GATB: variants seen among roughly 807,000 people sequenced by gnomAD.
GATB encodes the protein glutamyl-tRNA(Gln) amidotransferase subunit B, mitochondrial.
In GATB, 39 loss-of-function variants were observed where a neutral mutation model predicts 62.3. The observed-to-expected ratio is 0.63, with a 90% CI of 0.48 to 0.82. GATB has a LOEUF of 0.82. Ranked by LOEUF, GATB falls within the 40% of genes least tolerant of loss-of-function variation. The pLI is 0.00. For missense variants in GATB, 670 were observed against 684.0 expected (o/e 0.98, Z 0.23); for synonymous variants, 276 against 258.9 (o/e 1.07, Z -0.63).
chr4:151,713,204 A>C (rs1478828036), intron 5 of GATB, among the ~76,000 whole-genome samples: 1 of 152,114 alleles, frequency 6.6e-6, no homozygotes, highest in Non-Finnish European at 1.5e-5. Context: ...GAGGGCTCCC[A>C]GTGATTCTAC....
At position 151,670,665 on chromosome 4, in the gene GATB, T is replaced by C. The variant is rs1246915648; in HGVS notation, c.*509A>G. On this transcript the variant is annotated 3_prime_UTR_variant, in exon 13 of 13. Coordinates refer to ENST00000263985, the MANE Select transcript of GATB (RefSeq NM_004564.3). ...TAAACAAACAAATGTGTTTATACTGTGCCAGTTTATTTGGTTGTATTTTCA... is the reference window on the plus strand; with the variant it reads ...TAAACAAACAAATGTGTTTATACTGCGCCAGTTTATTTGGTTGTATTTTCA... 6.5e-6 allele frequency: 1 copy of C among 153,294 alleles called. No homozygotes were observed. Among genetic ancestry groups the C allele is most frequent in the Non-Finnish European group, 1.5e-5 (1 of 68,702 alleles). 9.5% of individuals were successfully genotyped at this position (153,294 alleles called of 1,614,324 possible). A position where few individuals can be genotyped will look rare whatever the true frequency, so the allele number is the denominator to read the frequency against.
intron 2 of GATB, among the ~76,000 whole-genome samples, chr4:151,757,759 G>C (rs1438501194): frequency 6.6e-6 from 1 of 151,916 alleles, no homozygotes; most frequent in Non-Finnish European, 1.5e-5. Context: ...TTACAGGCGT[G>C]AGCCACCGCG....
chr4:151,716,128 A>G lies in GATB; in HGVS notation c.644T>C (p.Val215Ala). 3 of 1,612,632 alleles carry G rather than the reference A, an allele frequency of 1.9e-6. No individual in the cohort carries two copies. The highest frequency in any genetic ancestry group is 2.5e-6 in the Non-Finnish European group (3 of 1,179,396). ...QTLIDLNRAG[V>A]GLLEVVLEPD... Reference sequence around the variant, plus strand: ...CTCCAGGACCACCTCCAGAAGGCCCACTCCTACCAAAGAGGGGCAGAGTCA... The same window carrying G: ...CTCCAGGACCACCTCCAGAAGGCCCGCTCCTACCAAAGAGGGGCAGAGTCA... The change falls in exon 5 of 13, where the codon GTG (valine) becomes GCG (alanine). Residue 215 changes from valine to alanine, a missense_variant. Physicochemically the swap from Val to Ala is moderately conservative, Grantham distance 64. Coordinates refer to ENST00000263985, the MANE Select transcript of GATB (RefSeq NM_004564.3).
At position 151,717,116 on chromosome 4, in the gene GATB, A is replaced by G. The variant is rs1180774844; in HGVS notation, c.442-42T>C. 6 of 1,578,852 alleles carry G rather than the reference A, an allele frequency of 3.8e-6. No individual in the cohort carries two copies. In the Admixed American group the frequency reaches 8.4e-5, roughly 22 times the overall value. ...GGTAAACATAGTCACTGGTCCACAC[A>G]TAAAAGCTGGGATCCAGTTTACTAT... On this transcript the variant is annotated intron_variant, in intron 3 of 12. Transcript: ENST00000263985.
rs1739185534 is a variant in GATB, at chr4:151,728,672, A to G, written c.328-9134T>C. Reference sequence around the variant, plus strand: ...CTGGAGAGATCTGATGCAATGACAAACTATTTCACATCACTGAAACCTCAA... The same window carrying G: ...CTGGAGAGATCTGATGCAATGACAAGCTATTTCACATCACTGAAACCTCAA... On this transcript the variant is annotated intron_variant, in intron 2 of 12. Transcript: ENST00000263985. Among the ~76,000 whole-genome samples, 3 of 152,332 alleles carry G rather than the reference A, an allele frequency of 2.0e-5. No individual in the cohort carries two copies. In the South Asian group the frequency reaches 6.2e-4, roughly 32 times the overall value.
At chr4:151,672,015 G>A (rs1374505121) in intron 12 of GATB, among the ~76,000 whole-genome samples, 2 of 152,214 alleles carry the variant, frequency 1.3e-5, no homozygotes, top group Admixed American at 6.5e-5. Context: ...GCAGGAAGAC[G>A]AGGCTGTGGA....
At chr4:151,734,664 C>G (rs1478862866) in intron 2 of GATB, among the ~76,000 whole-genome samples, 2 of 152,124 alleles carry the variant, frequency 1.3e-5, no homozygotes, top group East Asian at 1.9e-4. Flanking sequence ...GGAGGCATCA[C>G]ACTACCTGAT....
At chr4:151,725,021 TGA>T (rs1454659007) in intron 2 of GATB, among the ~76,000 whole-genome samples, 1 of 152,118 alleles carries the variant, frequency 6.6e-6, no homozygotes, top group Admixed American at 6.6e-5. Flanking sequence ...TTATTACACA[TGA>T]GAGAAGAGCT....
In GATB at chr4:151,716,100, G is replaced by C. The variant is rs547158537; in HGVS notation, c.672C>G (p.Pro224=). ...GVGLLEVVLE[P]DMSCGEEAAT... Reference sequence around the variant, plus strand: ...CCGCCTCTTCTCCACAGGACATGTCGGGCTCCAGGACCACCTCCAGAAGGC... The same window carrying C: ...CCGCCTCTTCTCCACAGGACATGTCCGGCTCCAGGACCACCTCCAGAAGGC... Residue 224 remains proline, a synonymous_variant, in exon 5 of 13, where the codon CCC becomes CCG. Transcript: ENST00000263985. The C allele has an allele frequency of 2.5e-6, 4 of 1,613,528 alleles. No individual in the cohort carries two copies. Among genetic ancestry groups the C allele is most frequent in the Non-Finnish European group, 3.4e-6 (4 of 1,179,844 alleles).
At position 151,672,750 on chromosome 4, in the gene GATB, C is replaced by T. The variant is rs199509877; in HGVS notation, c.1545+12G>A. The T allele has an allele frequency of 6.3e-5, 102 of 1,613,108 alleles. 1 individual carries two copies. The East Asian group carries it at 2.1e-3, about 32-fold the overall frequency. Reference sequence around the variant, plus strand: ...GCTGGCTCTGGCCCTCTCCCCTGCCCGAGATAGTCACCACTTGAGGATGGG... The same window carrying T: ...GCTGGCTCTGGCCCTCTCCCCTGCCTGAGATAGTCACCACTTGAGGATGGG... On this transcript the variant is annotated intron_variant, in intron 12 of 12. Coordinates refer to ENST00000263985, the MANE Select transcript of GATB (RefSeq NM_004564.3).
intron 7 of GATB, among the ~76,000 whole-genome samples, chr4:151,704,741 C>T (rs1398896617): frequency 2.8e-5 from 4 of 142,706 alleles, no homozygotes; most frequent in African/African-American, 7.9e-5. Flanking sequence ...GCGTGAGCCA[C>T]GGCGCCTGGC....
At position 151,671,112 on chromosome 4, in the gene GATB, C is replaced by T; in HGVS notation, c.*62G>A. On this transcript the variant is annotated 3_prime_UTR_variant, in exon 13 of 13. Coordinates refer to ENST00000263985, the MANE Select transcript of GATB (RefSeq NM_004564.3). ...ACATGGGCATCAGCTTTCACAGGAT[C>T]CTGTTCCCAGTCAGGCTGCACTGTT... 2 of 1,596,482 alleles carry T rather than the reference C, an allele frequency of 1.3e-6. No individual in the cohort carries two copies. Among genetic ancestry groups the T allele is most frequent in the South Asian group, 1.1e-5 (1 of 90,042 alleles).
intron 6 of GATB, among the ~76,000 whole-genome samples, chr4:151,706,110 C>A (rs1738708792): frequency 6.6e-6 from 1 of 152,240 alleles, no homozygotes; most frequent in Non-Finnish European, 1.5e-5. Context: ...TCAGTTTTTG[C>A]TCCCCATCTC....
chr4:151,730,317 C>T lies in GATB; in HGVS notation c.328-10779G>A, dbSNP rs184137322. ...GCTCAGACATGCCTAGCCCTGCTGC[C>T]ACCTGATGGTCCTTCCCTACTCAAC... On this transcript the variant is annotated intron_variant, in intron 2 of 12. Coordinates refer to ENST00000263985, the MANE Select transcript of GATB (RefSeq NM_004564.3). The surrounding 1 kb of genome is among the most constrained non-coding windows in gnomAD (Gnocchi z 4.1). Among the ~76,000 whole-genome samples, 39 of 152,348 alleles carry T rather than the reference C, an allele frequency of 2.6e-4. 1 individual carries two copies. The highest frequency in any genetic ancestry group is 8.9e-4 in the African/African-American group (37 of 41,594).
intron 5 of GATB, among the ~76,000 whole-genome samples, chr4:151,715,776 GT>G (rs1198534164): frequency 1.3e-5 from 2 of 152,254 alleles, no homozygotes; most frequent in Admixed American, 6.5e-5. Context: ...TCTCTGCAAT[GT>G]TGTTGGTCGT....
At chr4:151,672,583 T>C in intron 12 of GATB, 179 bp downstream of exon 12, 1 of 599,980 alleles carries the variant, frequency 1.7e-6, no homozygotes. Context: ...GTTTTTCCAA[T>C]ATCCACCTAT....
chr4:151,675,801 A>C (rs1184402504), intron 11 of GATB: 1 of 152,214 alleles, frequency 6.6e-6, no homozygotes, highest in African/African-American at 2.4e-5. Context: ...GCAAGCTGGG[A>C]ACTCCCCATC....
At chr4:151,747,869 A>AAGAGCC (rs1246917519) in intron 2 of GATB, among the ~76,000 whole-genome samples, 1 of 152,226 alleles carries the variant, frequency 6.6e-6, no homozygotes, top group Non-Finnish European at 1.5e-5. Context: ...CCTGGAAAGC[A>AAGAGCC]AGAGCCACCA....
intron 10 of GATB, among the ~76,000 whole-genome samples, chr4:151,682,594 C>A (rs956173678): frequency 4.6e-5 from 7 of 151,998 alleles, no homozygotes; most frequent in African/African-American, 1.5e-4. Context: ...TTTCAAAGCT[C>A]CAAAATTTGT....
Sources: gnomAD v4.1 joint callset for allele counts (sites outside exome capture counted in the v4.1 genomes callset) on GRCh38, gnomAD v4.1.1 for gene constraint, Gnocchi (gnomAD v3.1) non-coding constraint, MANE v1.5 for transcripts, NCBI Gene and HGNC (gene_info 2026-07-23, HGNC 2026-07-21) for gene names.